Variants in DSCAML1 observed in about 807,000 individuals in gnomAD.
DSCAML1 encodes cell adhesion molecule DSCAML1.
DSCAML1 carries 38 observed loss-of-function variants against 200.5 expected under a neutral mutation model. That is an observed-to-expected ratio of 0.19 (90% CI 0.15 to 0.25). The LOEUF (loss-of-function observed/expected upper bound fraction) is 0.25, where lower values mean the gene tolerates loss of function less well. Among genes scored for constraint, DSCAML1 ranks in the 10% least tolerant of loss-of-function variants. DSCAML1 has a pLI of 1.00. For missense variants in DSCAML1, 2,223 were observed against 2,858.8 expected (o/e 0.78, Z 5.07); for synonymous variants, 1,215 against 1,165.0 (o/e 1.04, Z -0.87).
intron 5 of DSCAML1, among the ~76,000 whole-genome samples, chr11:117,522,679 G>A (rs2049904731): frequency 1.3e-5 from 2 of 152,194 alleles, no homozygotes; most frequent in African/African-American, 2.4e-5. Context: ...TGCACATTGA[G>A]TCAGGTGGCC....
At position 117,694,264 on chromosome 11, in the gene DSCAML1, G is replaced by T. The variant is rs527965107; in HGVS notation, c.511+82527C>A. On this transcript the variant is annotated intron_variant, in intron 3 of 32. Transcript: ENST00000651296. ...CTAAAAATACAAAAATTAGCTGGGC[G>T]TGGTGGCAGGTGCCTGTAATCCCAG... Among the ~76,000 whole-genome samples the T allele has an allele frequency of 2.3e-4, 35 of 151,736 alleles. No individual in the cohort carries two copies. The South Asian group carries it at 6.7e-3, about 29-fold the overall frequency.
intron 3 of DSCAML1, among the ~76,000 whole-genome samples, chr11:117,610,802 A>G (rs1248097957): frequency 6.7e-6 from 1 of 150,302 alleles, no homozygotes; most frequent in African/African-American, 2.4e-5. Context: ...CAGCTGTTAC[A>G]AGTAACACTG....
chr11:117,510,337 T>C (rs634606), intron 8 of DSCAML1, among the ~76,000 whole-genome samples: 110,504 of 152,116 alleles, frequency 0.73, 41,142 homozygotes, highest in African/African-American at 0.89. Context: ...GCTACCCATT[T>C]AAGTGACTGT....
chr11:117,622,751 A>C lies in DSCAML1; in HGVS notation c.512-90229T>G, dbSNP rs530643410. On this transcript the variant is annotated intron_variant, in intron 3 of 32. Transcript: ENST00000651296. ...AGCAGGTCAAGTTCAAGTTCATCTC[A>C]ACTACCTACATTTTGGTGCTCCTCG... is the stretch of plus-strand genomic sequence containing the variant. Among the ~76,000 whole-genome samples, 27 of 152,120 alleles carry C rather than the reference A, an allele frequency of 1.8e-4. 1 individual carries two copies. Among genetic ancestry groups the C allele is most frequent in the Middle Eastern group, 3.4e-3 (1 of 294 alleles).
chr11:117,802,589 A>C (rs762765914), intron 1 of DSCAML1, among the ~76,000 whole-genome samples: 14 of 152,194 alleles, frequency 9.2e-5, no homozygotes, highest in Non-Finnish European at 1.5e-4. Flanking sequence ...CTTAAGCTTG[A>C]AAGTTCTCGT....
intron 1 of DSCAML1, among the ~76,000 whole-genome samples, chr11:117,817,238 TGGGCCTGG>T (rs2055818723): frequency 6.6e-6 from 1 of 152,210 alleles, no homozygotes; most frequent in Admixed American, 6.5e-5. Context: ...CCAGCACTTC[TGGGCCTGG>T]GGGCTCTGGA....
intron 3 of DSCAML1, among the ~76,000 whole-genome samples, chr11:117,633,061 C>T (rs1053170112): frequency 1.3e-5 from 2 of 152,188 alleles, no homozygotes; most frequent in South Asian, 4.1e-4. Flanking sequence ...CTGTCACCTG[C>T]CCTTCAGCCT....
intron 1 of DSCAML1, among the ~76,000 whole-genome samples, chr11:117,803,650 CT>C (rs1565293741): frequency 6.6e-6 from 1 of 152,204 alleles, no homozygotes; most frequent in Non-Finnish European, 1.5e-5. Flanking sequence ...GTCCCAGGAA[CT>C]TTCCTTGGGT....
chr11:117,681,686 C>T (rs924900070), intron 3 of DSCAML1, among the ~76,000 whole-genome samples: 1 of 152,190 alleles, frequency 6.6e-6, no homozygotes, highest in African/African-American at 2.4e-5. Context: ...TCTCTCCCCA[C>T]TTAAAAAGGA....
rs148386722 is a variant in DSCAML1, at chr11:117,715,429, C to T, written c.511+61362G>A. ...TAGAAGTTAATGCACTTCAATGGGA[C>T]TCTTTTTTTTGGTTTGACCATTCTC... On this transcript the variant is annotated intron_variant, in intron 3 of 32. Transcript: ENST00000651296. Among the ~76,000 whole-genome samples, 989 of 152,300 alleles carry T rather than the reference C, an allele frequency of 6.5e-3. 5 individuals are homozygous for T. The highest frequency in any genetic ancestry group is 9.6e-3 in the Non-Finnish European group (656 of 68,020).
intron 8 of DSCAML1, among the ~76,000 whole-genome samples, chr11:117,512,272 C>G (rs1367335122): frequency 6.6e-6 from 1 of 152,190 alleles, no homozygotes; most frequent in Non-Finnish European, 1.5e-5. Context: ...AGAGCTGCCC[C>G]CAGGCCCACA....
intron 3 of DSCAML1, among the ~76,000 whole-genome samples, chr11:117,533,627 T>C (rs2137347355): frequency 6.6e-6 from 1 of 152,272 alleles, no homozygotes; most frequent in Admixed American, 6.5e-5. Context: ...GCCCCGACTG[T>C]TGGGACCTAG....
intron 3 of DSCAML1, among the ~76,000 whole-genome samples, chr11:117,617,814 G>A (rs1458131771): frequency 2.6e-5 from 4 of 151,924 alleles, no homozygotes; most frequent in South Asian, 2.1e-4. Flanking sequence ...GAAATGCCTC[G>A]TGTCACACTT....
At chr11:117,695,957 G>A (rs1413917765) in intron 3 of DSCAML1, among the ~76,000 whole-genome samples, 1 of 152,210 alleles carries the variant, frequency 6.6e-6, no homozygotes, top group Non-Finnish European at 1.5e-5. Context: ...CTCAATAAAT[G>A]TCAGCAAAGA....
rs535324235 is a variant in DSCAML1, at chr11:117,463,212, G to A, written c.3266-1616C>T. ...AATCAGAGATTTTGATCCAGACTCT[G>A]TTGTTTTCTGGATAGATGGTTCTAG... On this transcript the variant is annotated intron_variant, in intron 17 of 32. Coordinates refer to ENST00000651296, the MANE Select transcript of DSCAML1 (RefSeq NM_020693.4). This position sits in a 1 kb window ranked among gnomAD's most constrained non-coding sequence, Gnocchi z 4.0. Among the ~76,000 whole-genome samples the A allele has an allele frequency of 9.2e-5, 14 of 152,232 alleles. No homozygotes were observed. Among genetic ancestry groups the A allele is most frequent in the East Asian group, 1.9e-4 (1 of 5,200 alleles).
At chr11:117,758,980 T>C (rs1376220049) in intron 3 of DSCAML1, among the ~76,000 whole-genome samples, 1 of 152,130 alleles carries the variant, frequency 6.6e-6, no homozygotes. Context: ...ATAAACAAGG[T>C]AGCAACTCCA....
intron 14 of DSCAML1, among the ~76,000 whole-genome samples, chr11:117,478,330 C>T (rs1054510578): frequency 6.6e-6 from 1 of 152,168 alleles, no homozygotes; most frequent in African/African-American, 2.4e-5. Context: ...GCGGTGTGTG[C>T]AGTGCCATGA....
chr11:117,558,676 G>C (rs1190111427), intron 3 of DSCAML1, among the ~76,000 whole-genome samples: 1 of 152,140 alleles, frequency 6.6e-6, no homozygotes, highest in African/African-American at 2.4e-5. Flanking sequence ...TATTTGGCTG[G>C]GAGCATCGGC....
intron 3 of DSCAML1, among the ~76,000 whole-genome samples, chr11:117,544,180 C>T (rs952460569): frequency 2.0e-5 from 3 of 152,174 alleles, no homozygotes; most frequent in Non-Finnish European, 4.4e-5. Flanking sequence ...GGGGTAGCTT[C>T]AGGATGCCAG....
Sources: gnomAD v4.1 joint callset for allele counts (sites outside exome capture counted in the v4.1 genomes callset) on GRCh38, gnomAD v4.1.1 for gene constraint, Gnocchi (gnomAD v3.1) non-coding constraint, MANE v1.5 for transcripts, NCBI Gene and HGNC (gene_info 2026-07-23, HGNC 2026-07-21) for gene names.